Variants in WBP11 observed in about 807,000 individuals in gnomAD.
The protein encoded by WBP11 is WW domain-binding protein 11.
A neutral mutation model predicts 66.7 loss-of-function variants in WBP11; 12 were observed. The observed-to-expected ratio is 0.18, with a 90% confidence interval of 0.12 to 0.29. WBP11 has a LOEUF of 0.29. Among genes scored for constraint, WBP11 ranks in the 10% least tolerant of loss-of-function variants. WBP11 has a pLI of 1.00. For missense variants in WBP11, 555 were observed against 818.3 expected (o/e 0.68, Z 3.93); for synonymous variants, 255 against 273.8 (o/e 0.93, Z 0.68).
Position 14,794,920 on chromosome 12 carries a change from T to C in WBP11, c.521+51A>G, listed in dbSNP as rs372427192. The C allele has an allele frequency of 3.7e-6, 6 of 1,611,892 alleles. No homozygotes were observed. The African/African-American group carries it at 5.3e-5, about 14-fold the overall frequency. On this transcript the variant is annotated intron_variant, in intron 6 of 11. Coordinates refer to ENST00000261167, the MANE Select transcript of WBP11 (RefSeq NM_016312.3). ...CTGCATTAATTTTGGCACTGGACAG[T>C]CAACTTGTGCCTTTACTAAATGCTC...
rs935739241 is a variant in WBP11 at position 14,785,197 on chromosome 12, G to C, written c.*1868C>G. ...GAGGCCAGAGATCACTTGAACCCAG[G>C]AGTTTCAGGCTGCAGTGAGCTATGA... On this transcript the variant is annotated 3_prime_UTR_variant, in exon 12 of 12. Transcript: ENST00000261167. 5.3e-5 allele frequency: 8 copies of C among 152,156 alleles called. No individual in the cohort carries two copies. The highest frequency in any genetic ancestry group is 8.8e-5 in the Non-Finnish European group (6 of 68,050). 9.4% of individuals were successfully genotyped at this position (152,156 alleles called of 1,614,324 possible).
rs999112835 is a variant in WBP11 at position 14,785,607 on chromosome 12, CCAAA to C, written c.*1454_*1457del. The C allele has an allele frequency of 2.0e-5, 3 of 152,106 alleles. No homozygotes were observed. The highest frequency in any genetic ancestry group is 2.9e-5 in the Non-Finnish European group (2 of 68,008). The allele number at this position is 152,106 out of a possible 1,614,324, so 9.4% of individuals were successfully genotyped here. On this transcript the variant is annotated 3_prime_UTR_variant, in exon 12 of 12. Coordinates refer to ENST00000261167, the MANE Select transcript of WBP11 (RefSeq NM_016312.3). ...ATAAATCAGTATCTTCCAAGCAAAG[CCAAA>C]CAAACAAAAGATCTTGAATAAAAAT...
At chr12:14,792,638 G>A (rs1350886029) in intron 8 of WBP11, among the ~76,000 whole-genome samples, 2 of 152,020 alleles carry the variant, frequency 1.3e-5, no homozygotes, top group East Asian at 1.9e-4. Context: ...TTCGAAACCA[G>A]CCTGGCCAAC....
chr12:14,797,505 G>A (rs1421493496), intron 4 of WBP11, among the ~76,000 whole-genome samples: 1 of 152,142 alleles, frequency 6.6e-6, no homozygotes, highest in Non-Finnish European at 1.5e-5. Flanking sequence ...TAACAGATCC[G>A]TATTCCTGGC....
At chr12:14,803,321 G>A in intron 1 of WBP11, 31 bp downstream of exon 1, 1 of 398,276 alleles carries the variant, frequency 2.5e-6, no homozygotes, top group Non-Finnish European at 4.4e-6. Flanking sequence ...AAGAGGTGAG[G>A]AAGAGTAGTA....
At chr12:14,787,586 T>A in intron 11 of WBP11, 88 bp from the exon 12 acceptor site, 1 of 1,215,626 alleles carries the variant, frequency 8.2e-7, no homozygotes, top group Non-Finnish European at 1.1e-6. Flanking sequence ...GGTTGCCAAT[T>A]TTTAAATAAA....
chr12:14,797,114 T>C (rs1417688744), intron 4 of WBP11, 111 bp from the exon 5 acceptor site: 1 of 704,904 alleles, frequency 1.4e-6, no homozygotes, highest in Non-Finnish European at 2.1e-6. Context: ...TTAAGAGATC[T>C]AGACACCAGA....
At chr12:14,799,591 T>C (rs1415449027) in intron 4 of WBP11, 44 bp downstream of exon 4, 1 of 1,579,722 alleles carries the variant, frequency 6.3e-7, no homozygotes, top group African/African-American at 1.3e-5. Flanking sequence ...TGCCTGCCTC[T>C]GTACGTGTCA....
chr12:14,800,867 T>A, intron 2 of WBP11, 84 bp from the exon 3 acceptor site: 1 of 1,265,304 alleles, frequency 7.9e-7, no homozygotes, highest in Non-Finnish European at 1.1e-6. Flanking sequence ...GGTAATTCTT[T>A]ATTGTGGAAA....
Position 14,794,749 on chromosome 12 carries a change from AAAAC to A in WBP11, c.522-17_522-14del, listed in dbSNP as rs1329311125. The stretch of plus-strand genomic sequence containing the variant: ...CCGAGTTGGAGGTCTGTTAAAAAAA[AAAAC>A]AAAAACAAAAAAACCCCCACAGTAA... On this transcript the variant is annotated splice_polypyrimidine_tract_variant and intron_variant, in intron 6 of 11. Coordinates refer to ENST00000261167, the MANE Select transcript of WBP11 (RefSeq NM_016312.3). 4 of 1,536,020 alleles carry A rather than the reference AAAAC, an allele frequency of 2.6e-6. No individual in the cohort carries two copies. The East Asian group carries it at 6.8e-5, about 26-fold the overall frequency.
At chr12:14,797,676 T>C (rs752882926) in intron 4 of WBP11, among the ~76,000 whole-genome samples, 28 of 152,198 alleles carry the variant, frequency 1.8e-4, no homozygotes, top group East Asian at 3.8e-4. Flanking sequence ...AATTAGCACA[T>C]GATCCAAACT....
Position 14,794,392 on chromosome 12 carries a change from T to C in WBP11, c.721+145A>G, listed in dbSNP as rs1319386352. The C allele has an allele frequency of 1.3e-5, 12 of 912,398 alleles. No homozygotes were observed. In the East Asian group the frequency reaches 2.4e-4, roughly 18 times the overall value. 56.5% of individuals were successfully genotyped at this position (912,398 alleles called of 1,614,324 possible). On this transcript the variant is annotated intron_variant, in intron 7 of 11. Coordinates refer to ENST00000261167, the MANE Select transcript of WBP11 (RefSeq NM_016312.3). ...GATGCTTTTACTTGAGAAGATCCTATGATTTATCCAACTGTATGTATATTA... is the reference window on the plus strand; with the variant it reads ...GATGCTTTTACTTGAGAAGATCCTACGATTTATCCAACTGTATGTATATTA...
At chr12:14,799,556 C>T (rs377611410) in intron 4 of WBP11, 79 bp downstream of exon 4, 16 of 1,317,832 alleles carry the variant, frequency 1.2e-5, no homozygotes, top group East Asian at 9.8e-5. Context: ...GTTTTACTTA[C>T]GCCTATGCTG....
intron 8 of WBP11, 90 bp downstream of exon 8, chr12:14,793,641 G>C (rs1949850120): frequency 7.0e-7 from 1 of 1,429,752 alleles, no homozygotes; most frequent in Non-Finnish European, 9.5e-7. Flanking sequence ...AAAGATTTCA[G>C]AGTACTCTCA....
In WBP11 at chr12:14,799,681, C is replaced by T. The variant is rs540412013; in HGVS notation, c.144G>A (p.Lys48=). 1 of 1,613,608 alleles carries T rather than the reference C, an allele frequency of 6.2e-7. No homozygotes were observed. Among genetic ancestry groups the T allele is most frequent in the African/African-American group, 1.3e-5 (1 of 74,988 alleles). Residue 48 remains lysine (K), a synonymous_variant, in exon 4 of 12, where the codon AAG becomes AAA. Coordinates refer to ENST00000261167, the MANE Select transcript of WBP11 (RefSeq NM_016312.3). The part of the protein sequence containing the change: ...MMVRAAVLKM[K]DPKQIIRDME... ...TGTCTCGGATTATCTGTTTTGGATC[C>T]TTCATCTTTAAAACTGCAGCTCGAA...
intron 4 of WBP11, among the ~76,000 whole-genome samples, chr12:14,798,271 G>T (rs1279384189): frequency 6.6e-6 from 1 of 152,076 alleles, no homozygotes; most frequent in African/African-American, 2.4e-5. Context: ...ACATAGCAGT[G>T]TGACCTTGAG....
At chr12:14,790,160 A>G (rs1949804359) in intron 10 of WBP11, among the ~76,000 whole-genome samples, 1 of 152,246 alleles carries the variant, frequency 6.6e-6, no homozygotes, top group African/African-American at 2.4e-5. Context: ...CATACTAAAA[A>G]GCAATACTAA....
At chr12:14,802,857 C>G (rs926023855) in intron 1 of WBP11, among the ~76,000 whole-genome samples, 4 of 152,156 alleles carry the variant, frequency 2.6e-5, no homozygotes, top group Admixed American at 1.3e-4. Context: ...TCTCCTCCCC[C>G]ACAAATGAAA....
intron 4 of WBP11, among the ~76,000 whole-genome samples, chr12:14,798,092 TC>T (rs893617388): frequency 9.9e-5 from 15 of 152,192 alleles, no homozygotes; most frequent in African/African-American, 3.1e-4. Context: ...TTCACCCCTT[TC>T]CTTTTTCTTA....
Sources: gnomAD v4.1 joint callset for allele counts (sites outside exome capture counted in the v4.1 genomes callset) on GRCh38, gnomAD v4.1.1 for gene constraint, MANE v1.5 for transcripts, NCBI Gene and HGNC (gene_info 2026-07-23, HGNC 2026-07-21) for gene names.